MBD2: variants seen among roughly 807,000 people sequenced by gnomAD.
MBD2 encodes the protein methyl-CpG-binding domain protein 2.
Under a neutral mutation model 39.3 loss-of-function variants are expected in MBD2, and 9 were observed. The ratio of observed to expected loss-of-function variants is 0.23; its 90% CI spans 0.14 to 0.40. The LOEUF (loss-of-function observed/expected upper bound fraction) is 0.40, where lower values mean the gene tolerates loss of function less well. Among genes scored for constraint, MBD2 ranks in the 10% least tolerant of loss-of-function variants. The pLI is 1.00. For synonymous variants in MBD2, 233 were observed against 211.1 expected, an observed-to-expected ratio of 1.10 and a Z score of -0.90; for missense variants, 458 against 532.6, an observed-to-expected ratio of 0.86 and a Z score of 1.38.
At chr18:54,214,699 T>C (rs1261993693) in intron 1 of MBD2, among the ~76,000 whole-genome samples, 1 of 151,910 alleles carries the variant, frequency 6.6e-6, no homozygotes, top group African/African-American at 2.4e-5. Flanking sequence ...GCAAGCACAT[T>C]TAATCTCAAA....
intron 3 of MBD2, among the ~76,000 whole-genome samples, chr18:54,169,330 G>T (rs923735121): frequency 6.6e-6 from 1 of 150,852 alleles, no homozygotes; most frequent in African/African-American, 2.5e-5. Flanking sequence ...TGCACTAAAC[G>T]TACTCCAATA....
chr18:54,214,484 C>A (rs927977840), intron 1 of MBD2, among the ~76,000 whole-genome samples: 1 of 152,024 alleles, frequency 6.6e-6, no homozygotes, highest in Admixed American at 6.5e-5. Flanking sequence ...CAGGTATGTG[C>A]CAGCATACCT....
intron 2 of MBD2, among the ~76,000 whole-genome samples, chr18:54,197,897 T>TTC (rs1568088029): frequency 6.6e-6 from 1 of 152,192 alleles, no homozygotes; most frequent in Non-Finnish European, 1.5e-5. Flanking sequence ...ATGCTAGACT[T>TTC]ATCACCTACG....
chr18:54,157,256 TGAA>T (rs2086058842), intron 6 of MBD2, among the ~76,000 whole-genome samples: 2 of 151,912 alleles, frequency 1.3e-5, no homozygotes, highest in Admixed American at 6.6e-5. Flanking sequence ...TGAACTGGAT[TGAA>T]ATGATTTTTT....
chr18:54,206,700 T>C (rs184558541), intron 1 of MBD2, among the ~76,000 whole-genome samples: 10 of 152,240 alleles, frequency 6.6e-5, no homozygotes, highest in African/African-American at 2.2e-4. Flanking sequence ...GACTTAAGTA[T>C]TCGTGAAACA....
At chr18:54,170,950 T>G (rs980856151) in intron 3 of MBD2, among the ~76,000 whole-genome samples, 1 of 152,108 alleles carries the variant, frequency 6.6e-6, no homozygotes, top group African/African-American at 2.4e-5. Flanking sequence ...ATAACCAAGG[T>G]GGCTTATTTT....
chr18:54,197,582 CCTCT>C (rs2086376106), intron 2 of MBD2, among the ~76,000 whole-genome samples: 1 of 152,266 alleles, frequency 6.6e-6, no homozygotes, highest in Non-Finnish European at 1.5e-5. Flanking sequence ...GTAAATGGCA[CCTCT>C]ATCTACCCAC....
At chr18:54,184,499 G>A (rs1416010824) in intron 3 of MBD2, among the ~76,000 whole-genome samples, 1 of 152,126 alleles carries the variant, frequency 6.6e-6, no homozygotes, top group Non-Finnish European at 1.5e-5. Flanking sequence ...GGGGACTGCT[G>A]CTATAGAAGG....
intron 3 of MBD2, among the ~76,000 whole-genome samples, chr18:54,186,786 T>C (rs2086289429): frequency 6.6e-6 from 1 of 152,194 alleles, no homozygotes; most frequent in Non-Finnish European, 1.5e-5. Context: ...GCCTGCTAAA[T>C]AATTTTAAAC....
chr18:54,224,399 G>A lies in MBD2; in HGVS notation c.161C>T (p.Ala54Val). 8.0e-7 allele frequency: 1 copy of A among 1,247,314 alleles called. No individual in the cohort carries two copies. 77.3% of individuals were successfully genotyped at this position (1,247,314 alleles called of 1,614,324 possible). ...CCCCCGGCCACGGCCGCCGCCCCGA[G>A]CGCCTTCCCTGCGCACGCCGCTCAC... ...SPVSGVRREG[A>V]RGGGRGRGRW... The change falls in exon 1 of 7, where the codon GCT becomes GTT. Residue 54 changes from alanine to valine, a missense_variant. Ala to Val is a moderately conservative substitution (Grantham distance 64). Around this residue, in one of 2 missense-constraint regions of MBD2, gnomAD observed 269 missense variants for 236.0 expected, o/e 1.14. Coordinates refer to ENST00000256429, the MANE Select transcript of MBD2 (RefSeq NM_003927.5).
intron 3 of MBD2, among the ~76,000 whole-genome samples, chr18:54,174,021 T>A (rs8094493): frequency 6.6e-6 from 1 of 151,892 alleles, no homozygotes; most frequent in Non-Finnish European, 1.5e-5. Flanking sequence ...GAACACAGAC[T>A]ATATTTCTAT....
chr18:54,161,447 A>G (rs939204858), intron 5 of MBD2, among the ~76,000 whole-genome samples: 14 of 152,152 alleles, frequency 9.2e-5, no homozygotes, highest in African/African-American at 3.4e-4. Context: ...AGTTAGTCTC[A>G]CCTCTGGGTC....
intron 1 of MBD2, chr18:54,222,281 A>T: frequency 2.1e-6 from 1 of 465,620 alleles, no homozygotes; most frequent in Non-Finnish European, 4.2e-6. Context: ...TTTAATCAGA[A>T]GAAATTGTCC....
In MBD2 at chr18:54,168,477, T is replaced by C. The variant is rs138041610; in HGVS notation, c.841-2311A>G. Among the ~76,000 whole-genome samples the C allele has an allele frequency of 2.2e-3, 339 of 151,066 alleles. 3 individuals carry two copies. The highest frequency in any genetic ancestry group is 7.7e-3 in the African/African-American group (317 of 41,022). On this transcript the variant is annotated intron_variant, in intron 3 of 6. Transcript: ENST00000256429. ...CTTTATAAGAGAGGACATAAGAAAC[T>C]AAGATTTTGCGTATGCTCTTTCAAT...
intron 3 of MBD2, among the ~76,000 whole-genome samples, chr18:54,180,638 A>T (rs2086243968): frequency 6.6e-6 from 1 of 152,170 alleles, no homozygotes; most frequent in African/African-American, 2.4e-5. Context: ...GATAATTATA[A>T]AGAGATATGA....
intron 1 of MBD2, among the ~76,000 whole-genome samples, chr18:54,210,385 T>C (rs2086492896): frequency 6.6e-6 from 1 of 152,240 alleles, no homozygotes; most frequent in Non-Finnish European, 1.5e-5. Flanking sequence ...CACTGTGAAC[T>C]TACCTGTAAT....
chr18:54,199,458 C>G (rs973358021), intron 2 of MBD2, among the ~76,000 whole-genome samples: 2 of 152,188 alleles, frequency 1.3e-5, no homozygotes, highest in African/African-American at 2.4e-5. Context: ...AGATACACTT[C>G]ATTTGTCCTT....
chr18:54,220,047 C>T (rs571399434), intron 1 of MBD2, among the ~76,000 whole-genome samples: 7 of 152,122 alleles, frequency 4.6e-5, no homozygotes, highest in East Asian at 1.9e-4. Context: ...GTGATCCACC[C>T]GCCTCAGCCT....
In MBD2 at chr18:54,213,423, G is replaced by A. The variant is rs370967477; in HGVS notation, c.543-8266C>T. Among the ~76,000 whole-genome samples, 25 of 152,276 alleles carry A rather than the reference G, an allele frequency of 1.6e-4. No homozygotes were observed. The East Asian group carries it at 4.4e-3, about 27-fold the overall frequency. On this transcript the variant is annotated intron_variant, in intron 1 of 6. Coordinates refer to ENST00000256429, the MANE Select transcript of MBD2 (RefSeq NM_003927.5). ...ATCTCAAAACCATTCGGGATCCATGGAAAAACCGTCTTCCATGAAACCGGT... is the reference window on the plus strand; with the variant it reads ...ATCTCAAAACCATTCGGGATCCATGAAAAAACCGTCTTCCATGAAACCGGT...
Sources: gnomAD v4.1 joint callset for allele counts (sites outside exome capture counted in the v4.1 genomes callset) on GRCh38, gnomAD v4.1.1 for gene constraint, gnomAD v4.1.1 regional missense constraint, MANE v1.5 for transcripts, NCBI Gene and HGNC (gene_info 2026-07-23, HGNC 2026-07-21) for gene names.